The following USP30 variants were observed in gnomAD, a reference collection of about 807,000 sequenced individuals.
The protein encoded by USP30 is ubiquitin specific peptidase 30.
In USP30, 41 loss-of-function variants were observed where a neutral mutation model predicts 68.2. The ratio of observed to expected loss-of-function variants is 0.60; its 90% CI spans 0.47 to 0.78. The LOEUF (loss-of-function observed/expected upper bound fraction) is 0.78. Ranked by LOEUF, USP30 falls within the 30% of genes least tolerant of loss-of-function variation. USP30 has a pLI of 0.00. For missense variants in USP30, 522 were observed against 649.4 expected (o/e 0.80, Z 2.13); for synonymous variants, 229 against 253.7 (o/e 0.90, Z 0.93).
At chr12:109,047,915 T>C (rs2040620258), upstream of USP30, among the ~76,000 whole-genome samples, 1 of 152,126 alleles carries the variant, frequency 6.6e-6, no homozygotes, top group South Asian at 2.1e-4. Flanking sequence ...GCAGGCTCCC[T>C]AAGGGTGCTC....
At position 109,038,072 on chromosome 12, in the gene USP30, G is replaced by C. The variant is rs2040534367; in HGVS notation, c.-135-9518G>C. Among the ~76,000 whole-genome samples the C allele has an allele frequency of 5.9e-5, 9 of 152,030 alleles. No homozygotes were observed. The South Asian group carries it at 1.9e-3, about 32-fold the overall frequency. ...CAGGATATGCAGGTTTGTTACATAG[G>C]TAAGTGTGCCATGGTGGTTTGCTGC... On this transcript the variant is annotated intron_variant, in intron 3 of 15. Transcript: ENST00000392784.
At chr12:109,072,725 A>T (rs1235399784) in intron 6 of USP30, among the ~76,000 whole-genome samples, 1 of 152,182 alleles carries the variant, frequency 6.6e-6, no homozygotes, top group Non-Finnish European at 1.5e-5. Context: ...TTGTTTTCTT[A>T]AGACTTAAAA....
intron 7 of USP30, among the ~76,000 whole-genome samples, chr12:109,074,899 G>A (rs138385845): frequency 3.9e-5 from 6 of 152,300 alleles, no homozygotes; most frequent in Non-Finnish European, 8.8e-5. Context: ...GCCCCTGGCA[G>A]CCAGCATGTA....
intron 3 of USP30, among the ~76,000 whole-genome samples, chr12:109,041,769 T>C (rs1013690128): frequency 4.6e-5 from 7 of 152,210 alleles, no homozygotes; most frequent in African/African-American, 1.7e-4. Flanking sequence ...CTTGAAGAGC[T>C]ACTTTGGAAG....
intron 1 of USP30, chr12:109,023,233 G>A (rs1017964454): frequency 6.6e-6 from 1 of 152,182 alleles, no homozygotes; most frequent in African/African-American, 2.4e-5. Context: ...AGGGCTCTAT[G>A]AATATTCATT....
chr12:109,065,694 C>CT (rs1213070213), intron 3 of USP30, among the ~76,000 whole-genome samples: 2 of 152,208 alleles, frequency 1.3e-5, no homozygotes, highest in Non-Finnish European at 2.9e-5. Context: ...ACAAGGATCT[C>CT]TATCTCCAGT....
intron 6 of USP30, 22 bp downstream of exon 6, chr12:109,072,372 A>G (rs779452744): frequency 2.3e-5 from 37 of 1,608,330 alleles, no homozygotes; most frequent in Non-Finnish European, 3.0e-5. Context: ...CCATTGAAAT[A>G]TAACACATAA....
intron 1 of USP30, chr12:109,053,553 T>C: frequency 6.5e-6 from 1 of 154,118 alleles, no homozygotes; most frequent in Non-Finnish European, 1.4e-5. Flanking sequence ...GACTGAGACC[T>C]GTTGCTCAGG....
At chr12:109,042,121 G>A (rs1348891856) in intron 3 of USP30, among the ~76,000 whole-genome samples, 1 of 150,684 alleles carries the variant, frequency 6.6e-6, no homozygotes, top group Non-Finnish European at 1.5e-5. Context: ...CCCACACATA[G>A]GTATCTTCAT....
At chr12:109,042,276 T>G (rs2040570369) in intron 3 of USP30, among the ~76,000 whole-genome samples, 1 of 152,176 alleles carries the variant, frequency 6.6e-6, no homozygotes, top group African/African-American at 2.4e-5. Context: ...AATTATTTTT[T>G]GAATAAATAT....
At chr12:109,047,437 T>C (rs963176659) in intron 3 of USP30, among the ~76,000 whole-genome samples, 1 of 152,214 alleles carries the variant, frequency 6.6e-6, no homozygotes, top group Admixed American at 6.5e-5. Context: ...AGACATTTAT[T>C]ATTGTTTTGT....
chr12:109,056,354 A>G (rs2040877312), intron 1 of USP30, among the ~76,000 whole-genome samples: 1 of 152,040 alleles, frequency 6.6e-6, no homozygotes, highest in Admixed American at 6.6e-5. Flanking sequence ...CACCACGGCC[A>G]GCTAATTTTT....
At chr12:109,078,189 G>C (rs1161718869) in intron 7 of USP30, among the ~76,000 whole-genome samples, 1 of 152,114 alleles carries the variant, frequency 6.6e-6, no homozygotes, top group Non-Finnish European at 1.5e-5. Flanking sequence ...ACTTTGGAAG[G>C]CTGAGACGAG....
At chr12:109,030,760 C>T (rs541340199) in intron 3 of USP30, among the ~76,000 whole-genome samples, 9 of 152,174 alleles carry the variant, frequency 5.9e-5, no homozygotes, top group Non-Finnish European at 8.8e-5. Context: ...GGATTACAGA[C>T]ACCTGCCACC....
At chr12:109,056,820 T>TG (rs2040892227) in intron 2 of USP30, 29 bp downstream of exon 2, 1 of 1,520,972 alleles carries the variant, frequency 6.6e-7, no homozygotes, top group Non-Finnish European at 9.0e-7. Context: ...CATCATGGTC[T>TG]GTAGACTTGA....
At chr12:109,060,663 C>G (rs2041034249) in intron 3 of USP30, among the ~76,000 whole-genome samples, 1 of 152,096 alleles carries the variant, frequency 6.6e-6, no homozygotes, top group African/African-American at 2.4e-5. Flanking sequence ...GGAGTTCTTT[C>G]CTTTTTTTTT....
intron 3 of USP30, among the ~76,000 whole-genome samples, chr12:109,045,382 G>A (rs1207005617): frequency 1.3e-5 from 2 of 152,172 alleles, no homozygotes; most frequent in Non-Finnish European, 2.9e-5. Context: ...TCAGGGCTGG[G>A]TTGCTCCATA....
In USP30 at chr12:109,055,379, C is replaced by CATATATATATATATATAT. The variant is rs71443831; in HGVS notation, c.84-1298_84-1281dup. On this transcript the variant is annotated intron_variant, in intron 1 of 12. Coordinates refer to ENST00000257548, the MANE Select transcript of USP30 (RefSeq NM_032663.5). ...ATATATACACACACACATATATATA[C>CATATATATATATATATAT]ATATATATATATATATATATATTTT... Among the ~76,000 whole-genome samples the CATATATATATATATATAT allele has an allele frequency of 5.1e-5, 3 of 58,950 alleles. 1 individual carries two copies. Among genetic ancestry groups the CATATATATATATATATAT allele is most frequent in the African/African-American group, 2.1e-4 (3 of 14,444 alleles). 38.7% of individuals were successfully genotyped at this position (58,950 alleles called of 152,430 possible).
chr12:109,061,641 C>A (rs533643338), intron 3 of USP30, among the ~76,000 whole-genome samples: 1 of 152,128 alleles, frequency 6.6e-6, no homozygotes, highest in African/African-American at 2.4e-5. Context: ...AACTCCTAAG[C>A]TCAAGCAATC....
Sources: gnomAD v4.1 joint callset for allele counts (sites outside exome capture counted in the v4.1 genomes callset) on GRCh38, gnomAD v4.1.1 for gene constraint, MANE v1.5 for transcripts, NCBI Gene and HGNC (gene_info 2026-07-23, HGNC 2026-07-21) for gene names.